The following GRID2 variants were observed in gnomAD, a reference collection of about 807,000 sequenced individuals.
GRID2 encodes glutamate ionotropic receptor delta type subunit 2.
A neutral mutation model predicts 114.8 loss-of-function variants in GRID2; 33 were observed. The ratio of observed to expected loss-of-function variants is 0.29; its 90% CI spans 0.22 to 0.38. GRID2 has a LOEUF of 0.38. GRID2 is among the 10% of genes least tolerant of loss of function. The probability of loss-of-function intolerance (pLI) is 1.00; values close to 1 mark genes in which losing one functional copy is unlikely to be tolerated. For missense variants in GRID2, 1,184 were observed against 1,257.7 expected (o/e 0.94, Z 0.89); for synonymous variants, 505 against 449.9 (o/e 1.12, Z -1.55).
In GRID2 at chr4:93,347,932, CTG is replaced by C. The variant is rs1196127873; in HGVS notation, c.1246-47671_1246-47670del. Among the ~76,000 whole-genome samples the C allele has an allele frequency of 3.9e-5, 6 of 152,172 alleles. No individual in the cohort carries two copies. In the East Asian group the frequency reaches 1.2e-3, roughly 29 times the overall value. ...ATTATTTGGAGAAATTTTCTAATAT[CTG>C]TGTCTCTAAAATATGGGTCAGTGAC... On this transcript the variant is annotated intron_variant, in intron 8 of 15. Transcript: ENST00000282020.
intron 2 of GRID2, among the ~76,000 whole-genome samples, chr4:93,021,360 C>T (rs1723266292): frequency 6.7e-6 from 1 of 150,012 alleles, no homozygotes; most frequent in Non-Finnish European, 1.5e-5. Flanking sequence ...AATTCTACTT[C>T]AAAGAACATA....
intron 2 of GRID2, among the ~76,000 whole-genome samples, chr4:92,971,806 G>A (rs1251869988): frequency 1.3e-5 from 2 of 151,872 alleles, no homozygotes; most frequent in Non-Finnish European, 2.9e-5. Flanking sequence ...ATCTTTCTGT[G>A]CCTGACTTAT....
At chr4:92,845,826 G>A (rs546153872) in intron 2 of GRID2, among the ~76,000 whole-genome samples, 1 of 152,182 alleles carries the variant, frequency 6.6e-6, no homozygotes, top group African/African-American at 2.4e-5. Context: ...CTTTGCTCTA[G>A]TGTGTAGTAA....
rs186618128 is a variant in GRID2, at chr4:93,041,927, T to C, written c.245-43068T>C. Among the ~76,000 whole-genome samples the C allele has an allele frequency of 1.6e-3, 239 of 152,070 alleles. 2 individuals are homozygous for C. The highest frequency in any genetic ancestry group is 2.4e-3 in the Non-Finnish European group (166 of 67,958). On this transcript the variant is annotated intron_variant, in intron 2 of 15. Transcript: ENST00000282020. ...GTTTGTTTGCTTGTTTTTTGAGACA[T>C]AGTCTCTCTGTGTCACCCAGGCTGG...
intron 1 of GRID2, among the ~76,000 whole-genome samples, chr4:92,441,057 G>A (rs35838478): frequency 0.14 from 20,881 of 151,410 alleles, 1,543 homozygotes; most frequent in Middle Eastern, 0.21. Context: ...GCTGCATGCA[G>A]ACATGAGGGC....
chr4:93,128,027 C>CAAG (rs1734434731), intron 4 of GRID2, among the ~76,000 whole-genome samples: 1 of 20,344 alleles, frequency 4.9e-5, no homozygotes, highest in African/African-American at 1.7e-4. Context: ...TCCCCCGCAA[C>CAAG]AAAAAAAAAA....
intron 9 of GRID2, among the ~76,000 whole-genome samples, chr4:93,406,655 GA>G (rs1377152691): frequency 6.6e-6 from 1 of 152,128 alleles, no homozygotes; most frequent in Non-Finnish European, 1.5e-5. Context: ...AGAAAATGTA[GA>G]AAGTATGTAT....
chr4:92,923,324 A>C (rs948648764), intron 2 of GRID2, among the ~76,000 whole-genome samples: 1 of 152,150 alleles, frequency 6.6e-6, no homozygotes, highest in Non-Finnish European at 1.5e-5. Context: ...TTATATTACA[A>C]TGTGAAATCT....
chr4:93,764,377 A>G (rs6836766), intron 14 of GRID2, among the ~76,000 whole-genome samples: 10,058 of 152,282 alleles, frequency 0.066, 352 homozygotes, highest in Middle Eastern at 0.11. Context: ...TGTCCGTGTC[A>G]GTGAATCAAT....
At chr4:92,979,691 A>G (rs775334601) in intron 2 of GRID2, among the ~76,000 whole-genome samples, 7 of 152,162 alleles carry the variant, frequency 4.6e-5, no homozygotes, top group Non-Finnish European at 8.8e-5. Flanking sequence ...GTTAATATCA[A>G]GTGTGAACCC....
rs548140146 is a variant in GRID2, at chr4:92,424,020, A to C, written c.88+119276A>C. Among the ~76,000 whole-genome samples the C allele has an allele frequency of 7.9e-5, 12 of 152,214 alleles. 1 individual carries two copies. In the South Asian group the frequency reaches 2.5e-3, roughly 32 times the overall value. On this transcript the variant is annotated intron_variant, in intron 1 of 15. Coordinates refer to ENST00000282020, the MANE Select transcript of GRID2 (RefSeq NM_001510.4). ...AGTAGTGTTAAACCAATTTCCTTTG[A>C]ATTGTCTGAGATGATATTACATAGT...
intron 2 of GRID2, among the ~76,000 whole-genome samples, chr4:92,917,193 G>T (rs962702505): frequency 3.3e-5 from 5 of 151,838 alleles, no homozygotes; most frequent in South Asian, 2.1e-4. Flanking sequence ...CTTCGCCCAC[G>T]TGGTGATGGG....
chr4:92,813,664 ACACACACATATACT>A (rs772691013), intron 2 of GRID2, among the ~76,000 whole-genome samples: 1 of 152,096 alleles, frequency 6.6e-6, no homozygotes, highest in Non-Finnish European at 1.5e-5. Flanking sequence ...GCACGCACAC[ACACACACATATACT>A]CACACACACT....
intron 9 of GRID2, among the ~76,000 whole-genome samples, chr4:93,398,133 G>GTGTGTGTGTGTGTATGTATATATA: frequency 8.2e-6 from 1 of 122,336 alleles, no homozygotes; most frequent in African/African-American, 3.9e-5. Flanking sequence ...ATGTGTGTGT[G>GTGTGTGTGTGTGTATGTATATATA]TATATATATA....
intron 2 of GRID2, among the ~76,000 whole-genome samples, chr4:92,592,008 T>C (rs556636208): frequency 8.6e-5 from 13 of 151,936 alleles, no homozygotes; most frequent in Non-Finnish European, 1.9e-4. Flanking sequence ...TTAATAAATA[T>C]TAATAAATTT....
chr4:92,418,752 G>T (rs557957989), intron 1 of GRID2, among the ~76,000 whole-genome samples: 4 of 152,102 alleles, frequency 2.6e-5, no homozygotes, highest in Non-Finnish European at 5.9e-5. Flanking sequence ...AGGACATTAG[G>T]TTAATGTTTG....
chr4:92,553,915 G>A (rs1464292096), intron 1 of GRID2, among the ~76,000 whole-genome samples: 1 of 152,154 alleles, frequency 6.6e-6, no homozygotes, highest in Non-Finnish European at 1.5e-5. Context: ...CTCCCAAAGT[G>A]CTGGGATTAC....
chr4:93,233,490 G>A lies in GRID2; in HGVS notation c.1126-4881G>A, dbSNP rs560294373. Among the ~76,000 whole-genome samples, 565 of 151,630 alleles carry A rather than the reference G, an allele frequency of 3.7e-3. 6 individuals carry two copies. The highest frequency in any genetic ancestry group is 0.014 in the Middle Eastern group (4 of 292). Reference sequence around the variant, plus strand: ...CCTGAGTAGCTGGGATTACAGGCGCGCACCACCACACCTGGCTAATTTTTG... The same window carrying A: ...CCTGAGTAGCTGGGATTACAGGCGCACACCACCACACCTGGCTAATTTTTG... On this transcript the variant is annotated intron_variant, in intron 7 of 15. Coordinates refer to ENST00000282020, the MANE Select transcript of GRID2 (RefSeq NM_001510.4).
At chr4:93,677,077 A>G (rs533784379) in intron 14 of GRID2, among the ~76,000 whole-genome samples, 1 of 152,194 alleles carries the variant, frequency 6.6e-6, no homozygotes, top group South Asian at 2.1e-4. Flanking sequence ...TCCCACCCAA[A>G]TACTGCGCTT....
Sources: gnomAD v4.1 joint callset for allele counts (sites outside exome capture counted in the v4.1 genomes callset) on GRCh38, gnomAD v4.1.1 for gene constraint, MANE v1.5 for transcripts, NCBI Gene and HGNC (gene_info 2026-07-23, HGNC 2026-07-21) for gene names.